The following ZSCAN25 variants were observed in gnomAD, a reference collection of about 807,000 sequenced individuals.
The protein encoded by ZSCAN25 is zinc finger and SCAN domain-containing protein 25.
Under a neutral mutation model 38.7 loss-of-function variants are expected in ZSCAN25, and 27 were observed. The ratio of observed to expected loss-of-function variants is 0.70; its 90% CI spans 0.51 to 0.96. The LOEUF (loss-of-function observed/expected upper bound fraction) is 0.96, where lower values mean the gene tolerates loss of function less well. Ranked by LOEUF, ZSCAN25 falls within the 40% of genes least tolerant of loss-of-function variation. The pLI is 0.00. For missense variants in ZSCAN25, 637 were observed against 705.9 expected, an observed-to-expected ratio of 0.90 and a Z score of 1.11; for synonymous variants, 273 against 277.7, an observed-to-expected ratio of 0.98 and a Z score of 0.17.
chr7:99,636,593 A>G (rs1232080618), downstream of ZSCAN25, among the ~76,000 whole-genome samples: 1 of 152,030 alleles, frequency 6.6e-6, no homozygotes, highest in Non-Finnish European at 1.5e-5. Context: ...AACAAAACCC[A>G]CTCCACCTTT....
the ZSCAN25 span, among the ~76,000 whole-genome samples, chr7:99,680,605 A>G: frequency 6.3e-3 from 964 of 152,270 alleles, 13 homozygotes; most frequent in African/African-American, 0.022. Flanking sequence ...GGTACTGTAC[A>G]CATGGTGGGT....
chr7:99,712,068 C>A, the ZSCAN25 span, among the ~76,000 whole-genome samples: 1 of 152,140 alleles, frequency 6.6e-6, no homozygotes, highest in Admixed American at 6.5e-5. Context: ...CTTGTGATTG[C>A]AAGTTGGCCC....
chr7:99,646,797 T>TACAC, the ZSCAN25 span, among the ~76,000 whole-genome samples: 8,874 of 142,068 alleles, frequency 0.062, 336 homozygotes, highest in East Asian at 0.11. Context: ...ATATGTTTTA[T>TACAC]ACACACACAC....
At chr7:99,660,638 G>A in the ZSCAN25 span, 1 of 1,613,902 alleles carries the variant, frequency 6.2e-7, no homozygotes, top group Non-Finnish European at 8.5e-7. Flanking sequence ...TGACTGGGCT[G>A]CGAGCTCCAG....
chr7:99,642,210 A>G, the ZSCAN25 span, among the ~76,000 whole-genome samples: 1 of 152,238 alleles, frequency 6.6e-6, no homozygotes, highest in Admixed American at 6.5e-5. Flanking sequence ...TCTTTTCACC[A>G]AGAGTTAGAG....
At chr7:99,696,236 C>CTTTTTTTTTTTT in the ZSCAN25 span, among the ~76,000 whole-genome samples, 1 of 147,346 alleles carries the variant, frequency 6.8e-6, no homozygotes, top group Non-Finnish European at 1.5e-5. Context: ...GAAAGGGTGA[C>CTTTTTTTTTTTT]TTTTTTTTTT....
At chr7:99,736,919 C>CA in the ZSCAN25 span, among the ~76,000 whole-genome samples, 3 of 152,032 alleles carry the variant, frequency 2.0e-5, no homozygotes, top group African/African-American at 7.2e-5. Flanking sequence ...AAGCAGGAGA[C>CA]AAATAAACAT....
At chr7:99,716,089 C>T in the ZSCAN25 span, among the ~76,000 whole-genome samples, 1 of 152,314 alleles carries the variant, frequency 6.6e-6, no homozygotes, top group African/African-American at 2.4e-5. Flanking sequence ...GTCAGTGACA[C>T]AGCTGGCTCT....
At chr7:99,688,147 A>G in the ZSCAN25 span, among the ~76,000 whole-genome samples, 1 of 152,236 alleles carries the variant, frequency 6.6e-6, no homozygotes, top group Non-Finnish European at 1.5e-5. Flanking sequence ...CATCATAATG[A>G]CAGGATCAAA....
the ZSCAN25 span, among the ~76,000 whole-genome samples, chr7:99,654,261 G>A: frequency 3.9e-5 from 6 of 151,934 alleles, no homozygotes; most frequent in Non-Finnish European, 5.9e-5. Context: ...GCCCCAGTGT[G>A]TGATATTCCC....
chr7:99,683,521 C>G, the ZSCAN25 span, among the ~76,000 whole-genome samples: 1 of 152,186 alleles, frequency 6.6e-6, no homozygotes, highest in African/African-American at 2.4e-5. Context: ...GAATCCATGA[C>G]TCTTTTCTGC....
At position 99,622,619 on chromosome 7, in the gene ZSCAN25, G is replaced by T. The variant is rs748983331; in HGVS notation, c.660G>T (p.Gly220=). ...VNPRDQEMAA[G]FFTAGSQGLG... ...CCAGAGACCAAGAGATGGCAGCTGG[G>T]TTCTTTACTGCTGGATCGCAGGTGA... Residue 220 remains glycine, a synonymous_variant, in exon 6 of 8, where the codon GGG becomes GGT. Coordinates refer to ENST00000394152, the MANE Select transcript of ZSCAN25 (RefSeq NM_145115.3). 6.8e-6 allele frequency: 11 copies of T among 1,614,052 alleles called. No individual in the cohort carries two copies. Among genetic ancestry groups the T allele is most frequent in the African/African-American group, 2.7e-5 (2 of 74,922 alleles).
chr7:99,677,334 T>G, the ZSCAN25 span: 1 of 754,718 alleles, frequency 1.3e-6, no homozygotes, highest in South Asian at 6.0e-5. Flanking sequence ...AGAGGCAAAC[T>G]ACAAAAATGT....
chr7:99,686,535 G>T, the ZSCAN25 span, among the ~76,000 whole-genome samples: 1 of 152,206 alleles, frequency 6.6e-6, no homozygotes, highest in African/African-American at 2.4e-5. Flanking sequence ...AGCCCACCAC[G>T]GCTCAAGGAG....
At chr7:99,678,748 C>G in the ZSCAN25 span, among the ~76,000 whole-genome samples, 1 of 152,248 alleles carries the variant, frequency 6.6e-6, no homozygotes, top group Non-Finnish European at 1.5e-5. Flanking sequence ...GTTGCCACAA[C>G]TCACTGAATT....
At chr7:99,658,048 G>T in the ZSCAN25 span, among the ~76,000 whole-genome samples, 8 of 152,134 alleles carry the variant, frequency 5.3e-5, no homozygotes, top group African/African-American at 1.7e-4. Context: ...TTGCCAGTCT[G>T]TGTCTTTTAA....
At chr7:99,709,780 G>GTGTA in the ZSCAN25 span, among the ~76,000 whole-genome samples, 1 of 151,640 alleles carries the variant, frequency 6.6e-6, no homozygotes, top group Non-Finnish European at 1.5e-5. Context: ...ATATATGTGT[G>GTGTA]TGTGTGTGTA....
In ZSCAN25 at chr7:99,621,473, G is replaced by T; in HGVS notation, c.488G>T (p.Trp163Leu). 1 of 1,575,916 alleles carries T rather than the reference G, an allele frequency of 6.3e-7. No homozygotes were observed. Among genetic ancestry groups the T allele is most frequent in the East Asian group, 2.3e-5 (1 of 42,938 alleles). Residue 163 changes from tryptophan (W) to leucine (L), a missense_variant, in exon 5 of 8, where the codon TGG (tryptophan) becomes TTG (leucine). Transcript: ENST00000394152. ...QLGPVEVKPE[W>L]GMPPGEGVQG... ...GGGCCAGTGGAGGTCAAGCCTGAAT[G>T]GGGGATGCCCCCTGGGGAAGGAGTT...
At chr7:99,622,956 G>A (rs1222876312) in intron 6 of ZSCAN25, among the ~76,000 whole-genome samples, 1 of 152,186 alleles carries the variant, frequency 6.6e-6, no homozygotes, top group Non-Finnish European at 1.5e-5. Context: ...ACAGGCACCT[G>A]CCACCTCGCC....
Sources: gnomAD v4.1 joint callset for allele counts (sites outside exome capture counted in the v4.1 genomes callset) on GRCh38, gnomAD v4.1.1 for gene constraint, MANE v1.5 for transcripts, NCBI Gene and HGNC (gene_info 2026-07-23, HGNC 2026-07-21) for gene names.